FOXJ3: variants seen among roughly 807,000 people sequenced by gnomAD.
FOXJ3 encodes forkhead box protein J3.
A neutral mutation model predicts 76.1 loss-of-function variants in FOXJ3; 22 were observed. The ratio of observed to expected loss-of-function variants is 0.29; its 90% CI spans 0.21 to 0.41. The LOEUF (loss-of-function observed/expected upper bound fraction) is 0.41, where lower values mean the gene tolerates loss of function less well. Among genes scored for constraint, FOXJ3 ranks in the 10% least tolerant of loss-of-function variants. The probability of loss-of-function intolerance (pLI) is 1.00; values close to 1 mark genes in which losing one functional copy is unlikely to be tolerated. For missense variants in FOXJ3, 613 were observed against 762.1 expected (o/e 0.80, Z 2.30); for synonymous variants, 269 against 261.2 (o/e 1.03, Z -0.29).
chr1:42,301,935 C>T (rs1315356302), intron 2 of FOXJ3, among the ~76,000 whole-genome samples: 1 of 152,070 alleles, frequency 6.6e-6, no homozygotes, highest in African/African-American at 2.4e-5. Context: ...TAAGCCGTCT[C>T]TCCTTATTTT....
chr1:42,222,817 A>G (rs1218372748), intron 5 of FOXJ3, among the ~76,000 whole-genome samples: 1 of 152,168 alleles, frequency 6.6e-6, no homozygotes, highest in African/African-American at 2.4e-5. Flanking sequence ...CTGTTTCCTC[A>G]GGATCTAGAA....
chr1:42,257,183 C>T (rs577699627), intron 4 of FOXJ3, among the ~76,000 whole-genome samples: 14 of 152,240 alleles, frequency 9.2e-5, no homozygotes, highest in Non-Finnish European at 1.9e-4. Flanking sequence ...TCCTTTCTGA[C>T]GGAAAAGACT....
intron 4 of FOXJ3, among the ~76,000 whole-genome samples, chr1:42,264,465 A>G (rs1453581672): frequency 6.6e-6 from 1 of 152,130 alleles, no homozygotes; most frequent in Non-Finnish European, 1.5e-5. Flanking sequence ...CTAAACAAGC[A>G]TCGTGCTTCC....
At chr1:42,228,597 A>G (rs1335640981) in intron 4 of FOXJ3, among the ~76,000 whole-genome samples, 6 of 151,900 alleles carry the variant, frequency 3.9e-5, no homozygotes, top group African/African-American at 1.4e-4. Flanking sequence ...GGAAAAGCAT[A>G]GATCCATAGA....
intron 7 of FOXJ3, among the ~76,000 whole-genome samples, chr1:42,195,743 T>C (rs1266288984): frequency 6.6e-6 from 1 of 152,188 alleles, no homozygotes; most frequent in Admixed American, 6.5e-5. Context: ...ACGCAGCCAT[T>C]AAAAATAATG....
chr1:42,260,689 A>C (rs1226098573), intron 4 of FOXJ3, among the ~76,000 whole-genome samples: 1 of 152,222 alleles, frequency 6.6e-6, no homozygotes, highest in Non-Finnish European at 1.5e-5. Flanking sequence ...TAAAGAAAAA[A>C]AAATCACAAT....
intron 11 of FOXJ3, among the ~76,000 whole-genome samples, chr1:42,182,892 C>G (rs1646353035): frequency 6.6e-6 from 1 of 151,998 alleles, no homozygotes; most frequent in African/African-American, 2.4e-5. Context: ...CATGTGTGCC[C>G]CTGTTAATTA....
intron 4 of FOXJ3, among the ~76,000 whole-genome samples, chr1:42,264,244 C>T (rs560000458): frequency 6.6e-6 from 1 of 152,080 alleles, no homozygotes; most frequent in South Asian, 2.1e-4. Context: ...TCAAGTAGTT[C>T]TTCATGATGA....
intron 4 of FOXJ3, among the ~76,000 whole-genome samples, chr1:42,264,576 G>A (rs1651324963): frequency 6.6e-6 from 1 of 151,860 alleles, no homozygotes; most frequent in African/African-American, 2.4e-5. Context: ...AAGCAACTAG[G>A]ACCAAGTTCA....
At chr1:42,306,361 G>A (rs1468548114) in intron 2 of FOXJ3, among the ~76,000 whole-genome samples, 1 of 138,244 alleles carries the variant, frequency 7.2e-6, no homozygotes, top group Admixed American at 7.9e-5. Flanking sequence ...GGAGTGCAGT[G>A]GCACAATCTC....
chr1:42,250,675 G>C (rs1038138217), intron 4 of FOXJ3, among the ~76,000 whole-genome samples: 5 of 151,764 alleles, frequency 3.3e-5, no homozygotes, highest in African/African-American at 9.7e-5. Context: ...AATTAGCTGG[G>C]CGTGGTGGCA....
At chr1:42,315,513 C>A (rs1655053337) in intron 1 of FOXJ3, 1 of 467,038 alleles carries the variant, frequency 2.1e-6, no homozygotes, top group African/African-American at 2.1e-5. Flanking sequence ...CTATCAAATT[C>A]TAACTTCTAG....
At chr1:42,311,248 C>A in intron 1 of FOXJ3, 138 bp from the exon 2 acceptor site, 1 of 596,754 alleles carries the variant, frequency 1.7e-6, no homozygotes. Context: ...AGAATCACCC[C>A]ATCAGAACAC....
intron 9 of FOXJ3, among the ~76,000 whole-genome samples, chr1:42,190,664 GT>G (rs1401812481): frequency 3.9e-5 from 6 of 152,178 alleles, no homozygotes; most frequent in Admixed American, 6.5e-5. Context: ...TAGTCAAAAG[GT>G]CAGGGTAGGA....
intron 8 of FOXJ3, among the ~76,000 whole-genome samples, chr1:42,194,199 T>C (rs1438283193): frequency 6.6e-6 from 1 of 152,180 alleles, no homozygotes; most frequent in Non-Finnish European, 1.5e-5. Flanking sequence ...GCTTCAACAG[T>C]AGAGTTCCCA....
chr1:42,260,235 A>T (rs1650930237), intron 4 of FOXJ3, among the ~76,000 whole-genome samples: 1 of 152,110 alleles, frequency 6.6e-6, no homozygotes, highest in Non-Finnish European at 1.5e-5. Flanking sequence ...GTTTTTCTAC[A>T]TATTTTTTAA....
Position 42,177,915 on chromosome 1 carries a change from A to C in FOXJ3, c.*1795T>G, listed in dbSNP as rs1360804132. On this transcript the variant is annotated 3_prime_UTR_variant, in exon 13 of 13. Transcript: ENST00000361346. ...GCTGATAAGACCAGAGATGCTAAAAAGCAACTAGTGAGCAGTTATTACTCT... is the reference window on the plus strand; with the variant it reads ...GCTGATAAGACCAGAGATGCTAAAACGCAACTAGTGAGCAGTTATTACTCT... 1.3e-5 allele frequency: 2 copies of C among 152,650 alleles called. No individual in the cohort carries two copies. Among genetic ancestry groups the C allele is most frequent in the Non-Finnish European group, 2.9e-5 (2 of 68,040 alleles). 9.5% of individuals were successfully genotyped at this position (152,650 alleles called of 1,614,324 possible). A position where few individuals can be genotyped will look rare whatever the true frequency, so the allele number is the denominator to read the frequency against.
At chr1:42,323,122 G>C (rs1557724942) in intron 1 of FOXJ3, among the ~76,000 whole-genome samples, 1 of 152,094 alleles carries the variant, frequency 6.6e-6, no homozygotes, top group African/African-American at 2.4e-5. Context: ...GTTTAGCTTG[G>C]AGAAGAAAAC....
At chr1:42,298,806 T>C (rs1653952773) in intron 2 of FOXJ3, among the ~76,000 whole-genome samples, 3 of 152,186 alleles carry the variant, frequency 2.0e-5, no homozygotes. Flanking sequence ...CTTAGCACTG[T>C]CTTTGCTGTA....
Sources: allele counts gnomAD v4.1 joint callset (sites outside exome capture counted in the v4.1 genomes callset), GRCh38; gene constraint gnomAD v4.1.1; transcripts MANE v1.5; gene names NCBI Gene and HGNC (gene_info 2026-07-23, HGNC 2026-07-21).